The following FARS2 variants were observed in gnomAD, a reference collection of about 807,000 sequenced individuals.
FARS2 encodes phenylalanyl-tRNA synthetase 2, mitochondrial, also known as phenylalanine--tRNA ligase, mitochondrial.
Under a neutral mutation model 46.4 loss-of-function variants are expected in FARS2, and 40 were observed. The observed-to-expected ratio is 0.86, with a 90% CI of 0.67 to 1.12. The LOEUF is 1.12. Among genes scored for constraint, FARS2 ranks in the 50% most tolerant of loss-of-function variants. The probability of loss-of-function intolerance (pLI) is 0.00; values close to 1 mark genes in which losing one functional copy is unlikely to be tolerated. For synonymous variants in FARS2, 234 were observed against 214.9 expected (o/e 1.09, Z -0.78); for missense variants, 513 against 567.9 (o/e 0.90, Z 0.98).
At chr6:5,310,199 A>G (rs1321709819) in intron 1 of FARS2, among the ~76,000 whole-genome samples, 3 of 152,194 alleles carry the variant, frequency 2.0e-5, no homozygotes, top group South Asian at 2.1e-4. Flanking sequence ...ACAAAATGCA[A>G]TATCTTTATT....
At chr6:5,325,879 T>A (rs1770338663) in intron 1 of FARS2, among the ~76,000 whole-genome samples, 2 of 152,228 alleles carry the variant, frequency 1.3e-5, no homozygotes. Context: ...AATAAAAAAA[T>A]TTTAAGCATC....
chr6:5,714,365 A>G (rs1356957243), intron 6 of FARS2, among the ~76,000 whole-genome samples: 1 of 152,156 alleles, frequency 6.6e-6, no homozygotes, highest in Admixed American at 6.5e-5. Context: ...AGGGTCTGGA[A>G]GGACAATCCA....
intron 4 of FARS2, among the ~76,000 whole-genome samples, chr6:5,540,905 A>G (rs1232007067): frequency 1.3e-5 from 2 of 152,206 alleles, no homozygotes; most frequent in Non-Finnish European, 2.9e-5. Flanking sequence ...TATTATGACA[A>G]GGACATATGA....
intron 6 of FARS2, among the ~76,000 whole-genome samples, chr6:5,665,641 C>T (rs1349417512): frequency 1.3e-5 from 2 of 152,122 alleles, no homozygotes; most frequent in African/African-American, 4.8e-5. Context: ...TGTTAGTGAT[C>T]TGGGATAGAG....
chr6:5,504,365 C>T (rs1331633685), intron 4 of FARS2, among the ~76,000 whole-genome samples: 1 of 147,966 alleles, frequency 6.8e-6, no homozygotes. Context: ...TCATTAAAGA[C>T]CTATACACTG....
intron 6 of FARS2, among the ~76,000 whole-genome samples, chr6:5,614,891 A>G (rs1371622632): frequency 6.6e-6 from 1 of 152,238 alleles, no homozygotes; most frequent in Non-Finnish European, 1.5e-5. Flanking sequence ...TTATACTTGA[A>G]TAACAGTTTG....
intron 1 of FARS2, among the ~76,000 whole-genome samples, chr6:5,353,372 G>A (rs1038815655): frequency 2.6e-5 from 4 of 152,166 alleles, no homozygotes; most frequent in African/African-American, 9.7e-5. Flanking sequence ...TGGGAGTGCA[G>A]ATATATCTTT....
At chr6:5,429,125 G>A (rs1311809883) in intron 3 of FARS2, among the ~76,000 whole-genome samples, 1 of 152,148 alleles carries the variant, frequency 6.6e-6, no homozygotes, top group African/African-American at 2.4e-5. Context: ...TTACAAAGGG[G>A]CATGAGAAAG....
intron 4 of FARS2, among the ~76,000 whole-genome samples, chr6:5,513,872 A>T (rs1768609168): frequency 6.6e-6 from 1 of 152,066 alleles, no homozygotes; most frequent in South Asian, 2.1e-4. Context: ...ACCATTACAG[A>T]TCACAAGAGT....
At chr6:5,421,508 C>A (rs1047672834) in intron 3 of FARS2, among the ~76,000 whole-genome samples, 1 of 152,180 alleles carries the variant, frequency 6.6e-6, no homozygotes, top group Non-Finnish European at 1.5e-5. Flanking sequence ...ATTTTCTTTT[C>A]TATCGCATTG....
At chr6:5,503,097 A>G (rs964928461) in intron 4 of FARS2, among the ~76,000 whole-genome samples, 1 of 152,036 alleles carries the variant, frequency 6.6e-6, no homozygotes, top group African/African-American at 2.4e-5. Context: ...TAAAAACAAC[A>G]TCCTCACTAA....
At chr6:5,483,499 C>G (rs1322805508) in intron 4 of FARS2, among the ~76,000 whole-genome samples, 1 of 151,992 alleles carries the variant, frequency 6.6e-6, no homozygotes. Context: ...AAAACCCTGT[C>G]TTACTAAAAA....
intron 5 of FARS2, among the ~76,000 whole-genome samples, chr6:5,588,461 G>A (rs1231852500): frequency 6.6e-6 from 1 of 152,244 alleles, no homozygotes; most frequent in African/African-American, 2.4e-5. Context: ...TGGCCCATGA[G>A]CTGTTGGTTT....
chr6:5,281,723 A>G (rs1301061265), intron 1 of FARS2, among the ~76,000 whole-genome samples: 2 of 151,746 alleles, frequency 1.3e-5, no homozygotes, highest in African/African-American at 4.8e-5. Flanking sequence ...TATAGTAATG[A>G]TATCTCTCTG....
At chr6:5,543,377 G>T (rs868791848) in intron 4 of FARS2, among the ~76,000 whole-genome samples, 1,738 of 143,972 alleles carry the variant, frequency 0.012, 15 homozygotes, top group Non-Finnish European at 0.019. Flanking sequence ...GTTGGTGGTG[G>T]TTTTTTTTTT....
intron 1 of FARS2, among the ~76,000 whole-genome samples, chr6:5,360,204 G>C (rs1218443868): frequency 7.9e-5 from 12 of 152,246 alleles, no homozygotes; most frequent in African/African-American, 2.9e-4. Flanking sequence ...TCCTTGTATT[G>C]GTTGAATGGT....
rs578016221 is a variant in FARS2 at position 5,665,290 on chromosome 6, C to T, written c.1217+51970C>T. On this transcript the variant is annotated intron_variant, in intron 6 of 6. Coordinates refer to ENST00000274680, the MANE Select transcript of FARS2 (RefSeq NM_006567.5). ...CAGGTGAATAGGGGCCATGGTTCTG[C>T]GGGCTCTCTCCAGGGGTGGCTGAGG... 218 of 152,564 alleles carry T rather than the reference C, an allele frequency of 1.4e-3. 2 individuals are homozygous for T. The highest frequency in any genetic ancestry group is 3.4e-3 in the Middle Eastern group (1 of 294). The allele number at this position is 152,564 out of a possible 1,614,324, so 9.5% of individuals were successfully genotyped here. A position where few individuals can be genotyped will look rare whatever the true frequency, so the allele number is the denominator to read the frequency against.
chr6:5,738,776 A>G (rs953246163), intron 6 of FARS2, among the ~76,000 whole-genome samples: 1 of 151,834 alleles, frequency 6.6e-6, no homozygotes, highest in Non-Finnish European at 1.5e-5. Context: ...TACATTTAGA[A>G]AAAAAAAATG....
intron 6 of FARS2, among the ~76,000 whole-genome samples, chr6:5,703,698 C>T (rs1388168653): frequency 3.3e-5 from 5 of 152,166 alleles, no homozygotes; most frequent in African/African-American, 4.8e-5. Flanking sequence ...CTGAGAGTCT[C>T]TTCAAGGCAG....
Sources: allele counts gnomAD v4.1 joint callset (sites outside exome capture counted in the v4.1 genomes callset), GRCh38; gene constraint gnomAD v4.1.1; transcripts MANE v1.5; gene names NCBI Gene and HGNC (gene_info 2026-07-23, HGNC 2026-07-21).